Variants in NBEA observed in about 807,000 individuals in gnomAD.
NBEA encodes the protein lysosomal-trafficking regulator 2.
NBEA carries 44 observed loss-of-function variants against 343.4 expected under a neutral mutation model. The ratio of observed to expected loss-of-function variants is 0.13; its 90% CI spans 0.10 to 0.16. NBEA has a LOEUF of 0.16. Ranked by LOEUF, NBEA falls within the 10% of genes least tolerant of loss-of-function variation. The pLI is 1.00. For missense variants in NBEA, 2,555 were observed against 3,631.3 expected (o/e 0.70, Z 7.62); for synonymous variants, 1,175 against 1,238.7 (o/e 0.95, Z 1.08).
At chr13:35,475,512 A>G (rs2075826185) in intron 41 of NBEA, 3 of 1,611,932 alleles carry the variant, frequency 1.9e-6, no homozygotes, top group African/African-American at 1.3e-5. Context: ...TGGACAAGAG[A>G]TTGAAACCTT....
intron 35 of NBEA, among the ~76,000 whole-genome samples, 199 bp from the exon 36 acceptor site, chr13:35,309,329 A>G (rs996932472): frequency 1.3e-5 from 2 of 152,138 alleles, no homozygotes; most frequent in Admixed American, 6.6e-5. Flanking sequence ...TTTCTGGTGA[A>G]TCAAAAGCAC....
At chr13:35,151,485 G>A (rs1459088269) in intron 18 of NBEA, among the ~76,000 whole-genome samples, 1 of 150,328 alleles carries the variant, frequency 6.7e-6, no homozygotes, top group African/African-American at 2.4e-5. Context: ...GGAGGTTGCG[G>A]TGAGCCGAGA....
intron 38 of NBEA, among the ~76,000 whole-genome samples, chr13:35,397,486 A>G (rs946316647): frequency 7.2e-5 from 11 of 152,194 alleles, no homozygotes; most frequent in African/African-American, 2.4e-4. Flanking sequence ...CTGCTTAACT[A>G]CAGGAGAATG....
intron 34 of NBEA, among the ~76,000 whole-genome samples, chr13:35,266,227 C>T (rs996902789): frequency 6.6e-6 from 1 of 151,796 alleles, no homozygotes; most frequent in African/African-American, 2.4e-5. Context: ...AACACTTGCT[C>T]ACTGTTGGCG....
At chr13:35,074,890 G>A (rs1457815292) in intron 10 of NBEA, among the ~76,000 whole-genome samples, 1 of 152,000 alleles carries the variant, frequency 6.6e-6, no homozygotes, top group Non-Finnish European at 1.5e-5. Context: ...CAGTCCTCAT[G>A]TTGTACATTA....
chr13:35,205,010 A>G (rs1380315685), intron 31 of NBEA, among the ~76,000 whole-genome samples: 1 of 152,158 alleles, frequency 6.6e-6, no homozygotes, highest in Non-Finnish European at 1.5e-5. Context: ...GCTAATACCA[A>G]GTAACATTTT....
At chr13:35,466,661 A>G (rs754553858) in intron 40 of NBEA, among the ~76,000 whole-genome samples, 1 of 151,988 alleles carries the variant, frequency 6.6e-6, no homozygotes, top group South Asian at 2.1e-4. Context: ...TAGAGATGAG[A>G]TCTCGCTATA....
intron 35 of NBEA, among the ~76,000 whole-genome samples, chr13:35,293,896 A>T (rs2035951084): frequency 6.6e-6 from 1 of 152,040 alleles, no homozygotes; most frequent in Admixed American, 6.6e-5. Flanking sequence ...TGTCAATAGA[A>T]AACATTTTAT....
At chr13:35,100,921 A>C (rs1183675221) in intron 11 of NBEA, among the ~76,000 whole-genome samples, 1 of 151,898 alleles carries the variant, frequency 6.6e-6, no homozygotes, top group Non-Finnish European at 1.5e-5. Flanking sequence ...TGAATTGCTT[A>C]TTCTAAATAT....
chr13:34,988,525 G>A (rs2060639802), intron 1 of NBEA, among the ~76,000 whole-genome samples: 3 of 150,848 alleles, frequency 2.0e-5, no homozygotes, highest in Non-Finnish European at 4.5e-5. Context: ...CCCCTGCCAG[G>A]CTGCTGCCTC....
intron 53 of NBEA, 139 bp downstream of exon 53, chr13:35,652,015 C>T: frequency 1.6e-6 from 1 of 620,150 alleles, no homozygotes; most frequent in South Asian, 2.3e-5. Flanking sequence ...CATCAAGGAG[C>T]TGTGTAAATC....
chr13:35,105,173 T>C (rs1240398976), intron 11 of NBEA, among the ~76,000 whole-genome samples: 1 of 152,026 alleles, frequency 6.6e-6, no homozygotes, highest in Non-Finnish European at 1.5e-5. Context: ...AGTGTAAGTG[T>C]ACTGAAGGGG....
intron 38 of NBEA, among the ~76,000 whole-genome samples, chr13:35,429,378 G>A (rs2044935172): frequency 1.3e-5 from 2 of 152,164 alleles, no homozygotes; most frequent in African/African-American, 2.4e-5. Flanking sequence ...GAGTATAGCA[G>A]TTGTCTGAAA....
chr13:35,251,462 A>G, intron 34 of NBEA: 1 of 1,061,228 alleles, frequency 9.4e-7, no homozygotes. Context: ...TCACTCAGAG[A>G]GAGCTGTTCC....
chr13:35,196,856 T>C (rs991357311), intron 31 of NBEA, among the ~76,000 whole-genome samples: 1 of 152,176 alleles, frequency 6.6e-6, no homozygotes, highest in Non-Finnish European at 1.5e-5. Flanking sequence ...TTGAAGCATG[T>C]ATTTAAAAGT....
At chr13:35,166,050 T>A (rs1378988535) in intron 24 of NBEA, among the ~76,000 whole-genome samples, 1 of 152,170 alleles carries the variant, frequency 6.6e-6, no homozygotes, top group Admixed American at 6.6e-5. Context: ...ACATTTTTCT[T>A]GATCATATAA....
At chr13:35,517,986 T>C (rs2077549597) in intron 41 of NBEA, among the ~76,000 whole-genome samples, 2 of 152,228 alleles carry the variant, frequency 1.3e-5, no homozygotes, top group South Asian at 4.1e-4. Context: ...TGAAATTTAA[T>C]ATTAACCTTT....
intron 55 of NBEA, 39 bp downstream of exon 55, chr13:35,655,788 T>C (rs2084786001): frequency 6.5e-7 from 1 of 1,543,146 alleles, no homozygotes. Flanking sequence ...CAAACTATAG[T>C]TTATTTAAAT....
intron 41 of NBEA, among the ~76,000 whole-genome samples, chr13:35,541,004 CTT>C (rs534224744): frequency 8.8e-4 from 134 of 152,276 alleles, no homozygotes; most frequent in Admixed American, 6.0e-3. Flanking sequence ...TGTCTCACCT[CTT>C]TCTTTGTTAA....
Sources: gnomAD v4.1 joint callset for allele counts (sites outside exome capture counted in the v4.1 genomes callset) on GRCh38, gnomAD v4.1.1 for gene constraint, MANE v1.5 for transcripts, NCBI Gene and HGNC (gene_info 2026-07-23, HGNC 2026-07-21) for gene names.